SYNE2: variants seen among roughly 807,000 people sequenced by gnomAD.
The protein encoded by SYNE2 is nesprin-2.
In SYNE2, 431 loss-of-function variants were observed where a neutral mutation model predicts 856.3. That is an observed-to-expected ratio of 0.50 (90% confidence interval 0.47 to 0.55). The LOEUF is 0.55. SYNE2 is among the 20% of genes least tolerant of loss of function. SYNE2 has a pLI of 0.00. For synonymous variants in SYNE2, 2,923 were observed against 2,872.3 expected, an observed-to-expected ratio of 1.02 and a Z score of -0.56; for missense variants, 8,129 against 8,023.2, an observed-to-expected ratio of 1.01 and a Z score of -0.50.
intron 113 of SYNE2, 43 bp downstream of exon 113, chr14:64,223,423 A>C (rs1410165049): frequency 6.2e-7 from 1 of 1,605,416 alleles, no homozygotes; most frequent in Non-Finnish European, 8.5e-7. Context: ...TTGCCGTATT[A>C]CATGCAGACA....
At chr14:63,897,293 A>T (rs893713372) in intron 1 of SYNE2, among the ~76,000 whole-genome samples, 30 of 152,112 alleles carry the variant, frequency 2.0e-4, no homozygotes, top group South Asian at 8.3e-4. Context: ...TACATAAAGG[A>T]CATATGACTT....
At chr14:64,150,316 A>AC (rs1180126416) in intron 84 of SYNE2, among the ~76,000 whole-genome samples, 1 of 139,106 alleles carries the variant, frequency 7.2e-6, no homozygotes, top group Non-Finnish European at 1.5e-5. Flanking sequence ...AAAAAAAAAA[A>AC]AAAAAGGATC....
intron 65 of SYNE2, 49 bp downstream of exon 65, chr14:64,107,656 A>G (rs1420840435): frequency 2.8e-6 from 4 of 1,415,650 alleles, no homozygotes. Context: ...CTGGACTAGC[A>G]CCTAGAGATG....
intron 107 of SYNE2, 53 bp downstream of exon 107, chr14:64,215,407 T>C (rs950530217): frequency 1.3e-6 from 2 of 1,563,446 alleles, no homozygotes; most frequent in African/African-American, 1.4e-5. Flanking sequence ...TGGCGCACAC[T>C]GCATCCTCAA....
chr14:64,181,004 A>G (rs538559657), intron 96 of SYNE2, among the ~76,000 whole-genome samples: 264 of 152,296 alleles, frequency 1.7e-3, no homozygotes, highest in Middle Eastern at 0.01. Flanking sequence ...GTTAATTCCA[A>G]TAATTCGTTT....
intron 1 of SYNE2, among the ~76,000 whole-genome samples, chr14:63,782,467 CAAAAAA>C (rs35413633): frequency 1.0e-4 from 5 of 49,634 alleles, no homozygotes; most frequent in African/African-American, 2.6e-4. Flanking sequence ...AACTCCATCT[CAAAAAA>C]AAAAAAAAAA....
chr14:64,119,609 G>A lies in SYNE2; in HGVS notation c.13023G>A (p.Gln4341=), dbSNP rs1198072318. The A allele has an allele frequency of 6.2e-7, 1 of 1,613,838 alleles. No individual in the cohort carries two copies. Residue 4341 remains glutamine, a splice_region_variant and synonymous_variant, in exon 67 of 116, where the codon CAG becomes CAA. Coordinates refer to ENST00000555002, the MANE Select transcript of SYNE2 (RefSeq NM_182914.3). ...TTCAGGAGAAGCACAGTGAAGATCAGGTAAAAAATGACTATCTATGGACAT... is the reference window on the plus strand; with the variant it reads ...TTCAGGAGAAGCACAGTGAAGATCAAGTAAAAAATGACTATCTATGGACAT... ...MMLQEKHSED[Q]HPTILKKSSE...
chr14:63,852,046 A>C (rs1015622449), upstream of SYNE2, among the ~76,000 whole-genome samples: 2 of 127,746 alleles, frequency 1.6e-5, no homozygotes, highest in African/African-American at 5.8e-5. Context: ...ATATCTTGAG[A>C]CCAGGAGGTA....
chr14:63,880,461 G>GC (rs2094833048), intron 1 of SYNE2, among the ~76,000 whole-genome samples: 1 of 152,060 alleles, frequency 6.6e-6, no homozygotes. Flanking sequence ...CAATAATGCT[G>GC]TAAGACTTTG....
intron 99 of SYNE2, among the ~76,000 whole-genome samples, chr14:64,192,767 A>G (rs1471346871): frequency 6.6e-6 from 1 of 152,170 alleles, no homozygotes; most frequent in Non-Finnish European, 1.5e-5. Flanking sequence ...CCAGGATTTC[A>G]ACTTAGGCAG....
chr14:64,016,424 G>C (rs757800013), intron 32 of SYNE2, 49 bp from the exon 33 acceptor site: 13 of 1,277,012 alleles, frequency 1.0e-5, no homozygotes, highest in Middle Eastern at 2.7e-4. Context: ...ATTCTTAGCT[G>C]TTTGTCTATA....
intron 1 of SYNE2, among the ~76,000 whole-genome samples, chr14:63,772,078 T>TGAG (rs1466932340): frequency 1.3e-5 from 2 of 151,906 alleles, no homozygotes; most frequent in African/African-American, 4.8e-5. Context: ...ACAGGCTGGG[T>TGAG]GTGGTGGCTC....
At chr14:64,173,327 G>T (rs979028399) in intron 94 of SYNE2, among the ~76,000 whole-genome samples, 2 of 152,232 alleles carry the variant, frequency 1.3e-5, no homozygotes, top group African/African-American at 4.8e-5. Context: ...GGAGGAGCAG[G>T]TCTAATACGA....
At position 64,126,527 on chromosome 14, in the gene SYNE2, G is replaced by A. The variant is rs746982050; in HGVS notation, c.13707+48G>A. The A allele has an allele frequency of 2.5e-5, 41 of 1,613,948 alleles. 1 individual carries two copies. The East Asian group carries it at 2.9e-4, about 11-fold the overall frequency. On this transcript the variant is annotated intron_variant, in intron 72 of 115. Coordinates refer to ENST00000555002, the MANE Select transcript of SYNE2 (RefSeq NM_182914.3). ...ATGTGTTGGCCATTACAGCAGCCCC[G>A]TGAGTTAAGCCCACGTGGAAGCCTC...
chr14:64,089,817 T>C, intron 59 of SYNE2, 121 bp downstream of exon 59: 1 of 819,188 alleles, frequency 1.2e-6, no homozygotes, highest in South Asian at 1.6e-5. Flanking sequence ...AAAATAAGGT[T>C]GGGAAATTGA....
At chr14:63,942,474 A>G (rs1248060537) in intron 6 of SYNE2, among the ~76,000 whole-genome samples, 1 of 151,028 alleles carries the variant, frequency 6.6e-6, no homozygotes, top group Admixed American at 6.6e-5. Context: ...GCGCGCCACC[A>G]TGCCTGGCTA....
At position 64,141,994 on chromosome 14, in the gene SYNE2, G is replaced by A; in HGVS notation, c.15212G>A (p.Trp5071Ter). The change falls in exon 82 of 116, where the codon TGG (tryptophan) becomes TAG (stop). Residue 5071 changes from tryptophan to a stop codon, truncating the protein, a stop_gained. Coordinates refer to ENST00000555002, the MANE Select transcript of SYNE2 (RefSeq NM_182914.3). LOFTEE classifies it high-confidence loss of function. ...AAAGCAATCACAGAAATGATTAGCT[G>A]GATGAACAATGTGGAGCATCAAACT... ...SRKAITEMISWMNNVEHQTSD... is the reference protein window; with the variant it reads ...SRKAITEMIS The A allele has an allele frequency of 6.2e-7, 1 of 1,614,070 alleles. No individual in the cohort carries two copies. Among genetic ancestry groups the A allele is most frequent in the Non-Finnish European group, 8.5e-7 (1 of 1,180,006 alleles).
chr14:63,990,743 C>T (rs913231427), intron 20 of SYNE2, among the ~76,000 whole-genome samples, 174 bp downstream of exon 20: 10 of 151,918 alleles, frequency 6.6e-5, no homozygotes, highest in Non-Finnish European at 1.5e-5. Flanking sequence ...ATATAAGTAT[C>T]ATAAGTATCA....
chr14:63,965,853 T>C (rs1296064092), intron 10 of SYNE2, among the ~76,000 whole-genome samples: 1 of 152,220 alleles, frequency 6.6e-6, no homozygotes, highest in Non-Finnish European at 1.5e-5. Context: ...TTAGCTCTGA[T>C]CTAAGATTTT....
Sources: allele counts gnomAD v4.1 joint callset (sites outside exome capture counted in the v4.1 genomes callset), GRCh38; gene constraint gnomAD v4.1.1; transcripts MANE v1.5; gene names NCBI Gene and HGNC (gene_info 2026-07-23, HGNC 2026-07-21).